Variants in ADD3 observed in about 807,000 individuals in gnomAD.
ADD3 encodes the protein adducin 3, also known as gamma-adducin.
Under a neutral mutation model 80.2 loss-of-function variants are expected in ADD3, and 25 were observed. That is an observed-to-expected ratio of 0.31 (90% CI 0.23 to 0.44). The LOEUF (loss-of-function observed/expected upper bound fraction) is 0.44. ADD3 is among the 20% of genes least tolerant of loss of function. The pLI, the probability that ADD3 is intolerant of heterozygous loss-of-function variation, is 1.00. For missense variants in ADD3, 829 were observed against 847.5 expected (o/e 0.98, Z 0.27); for synonymous variants, 284 against 289.6 (o/e 0.98, Z 0.20).
rs972246138 is a variant in ADD3, at chr10:110,044,326, G to T, written c.-30+36027G>T. On this transcript the variant is annotated intron_variant, in intron 1 of 14. Transcript: ENST00000356080. ...TGAGAATTTGTCGCTTTATATTATT[G>T]TGTCTTCTGGCCTATTAGACCATTG... Among the ~76,000 whole-genome samples, 13 of 152,244 alleles carry T rather than the reference G, an allele frequency of 8.5e-5. No homozygotes were observed. The South Asian group carries it at 1.0e-3, about 12-fold the overall frequency.
At chr10:110,080,921 T>A (rs1845985913) in intron 1 of ADD3, among the ~76,000 whole-genome samples, 1 of 152,216 alleles carries the variant, frequency 6.6e-6, no homozygotes, top group African/African-American at 2.4e-5. Context: ...ACAAAAGCAG[T>A]ATTTTTGCTG....
chr10:110,040,945 GCTCT>G (rs1466922963), intron 1 of ADD3, among the ~76,000 whole-genome samples: 2 of 91,038 alleles, frequency 2.2e-5, no homozygotes, highest in South Asian at 4.8e-4. Context: ...TCTCTCTCTC[GCTCT>G]CTCTGTCTCT....
At chr10:110,049,499 C>T (rs918156136) in intron 1 of ADD3, among the ~76,000 whole-genome samples, 1 of 152,166 alleles carries the variant, frequency 6.6e-6, no homozygotes, top group Non-Finnish European at 1.5e-5. Context: ...GCCACAGGGG[C>T]GGAGCTGCTC....
At chr10:110,039,889 A>C (rs889562235) in intron 1 of ADD3, among the ~76,000 whole-genome samples, 4 of 152,226 alleles carry the variant, frequency 2.6e-5, no homozygotes, top group African/African-American at 9.6e-5. Context: ...AGCAAGCCTC[A>C]TCACAGGGTC....
chr10:110,111,312 T>A (rs1038685412), intron 2 of ADD3, among the ~76,000 whole-genome samples: 1 of 152,228 alleles, frequency 6.6e-6, no homozygotes, highest in African/African-American at 2.4e-5. Context: ...AAGTGACTTA[T>A]GTTGCAAGAA....
Position 110,063,737 on chromosome 10 carries a change from TTATATATATATATATATATATATA to T in ADD3, c.-29-36865_-29-36842del, listed in dbSNP as rs139871560. Among the ~76,000 whole-genome samples the T allele has an allele frequency of 1.6e-3, 103 of 64,672 alleles. 2 individuals are homozygous for T. The highest frequency in any genetic ancestry group is 4.4e-3 in the African/African-American group (72 of 16,436). 42.4% of individuals were successfully genotyped at this position (64,672 alleles called of 152,430 possible). On this transcript the variant is annotated intron_variant, in intron 1 of 14. Coordinates refer to ENST00000356080, the MANE Select transcript of ADD3 (RefSeq NM_016824.5). Reference sequence around the variant, plus strand: ...TGATGAATATGAATATATATATTCATTATATATATATATATATATATATATATATATATATATATATATATAAAG... The same window carrying T: ...TGATGAATATGAATATATATATTCATTATATATATATATATATATATAAAG...
At chr10:110,011,730 G>T (rs1463982301) in intron 1 of ADD3, among the ~76,000 whole-genome samples, 2 of 152,096 alleles carry the variant, frequency 1.3e-5, no homozygotes, top group Non-Finnish European at 2.9e-5. Flanking sequence ...AAAATTAATT[G>T]GACAGTCCTA....
intron 1 of ADD3, among the ~76,000 whole-genome samples, chr10:110,083,156 A>C (rs1395165085): frequency 1.3e-5 from 2 of 152,214 alleles, no homozygotes; most frequent in Non-Finnish European, 2.9e-5. Context: ...TGACAAAGTG[A>C]TTTGAACACT....
chr10:110,121,581 T>TA (rs920651923), intron 8 of ADD3, among the ~76,000 whole-genome samples: 3 of 151,488 alleles, frequency 2.0e-5, no homozygotes, highest in Admixed American at 1.3e-4. Flanking sequence ...AAAGAACAAC[T>TA]AAAAAAAAAC....
At chr10:110,032,506 G>A (rs1855164605) in intron 1 of ADD3, among the ~76,000 whole-genome samples, 6 of 152,136 alleles carry the variant, frequency 3.9e-5, no homozygotes. Flanking sequence ...GGATACTTGG[G>A]CAAATTCAGA....
intron 1 of ADD3, among the ~76,000 whole-genome samples, chr10:110,062,200 T>TAAAAAAA (rs57540485): frequency 2.8e-5 from 1 of 35,198 alleles, no homozygotes; most frequent in African/African-American, 1.0e-4. Flanking sequence ...CTGTCTCTAC[T>TAAAAAAA]AAAAAAAAAA....
intron 3 of ADD3, 25 bp downstream of exon 3, chr10:110,112,940 A>T: frequency 6.2e-7 from 1 of 1,606,452 alleles, no homozygotes; most frequent in Non-Finnish European, 8.5e-7. Flanking sequence ...GAGAGTTTTA[A>T]ACATTATAAT....
At position 110,072,201 on chromosome 10, in the gene ADD3, A is replaced by G. The variant is rs565603505; in HGVS notation, c.-29-28424A>G. Among the ~76,000 whole-genome samples the G allele has an allele frequency of 7.2e-5, 11 of 152,236 alleles. No homozygotes were observed. The South Asian group carries it at 2.3e-3, about 32-fold the overall frequency. ...CTCAGCCTCCCGAGTATCTAGGACT[A>G]CAGGTGCCTGCCACCACGCCCAGCT... On this transcript the variant is annotated intron_variant, in intron 1 of 14. Coordinates refer to ENST00000356080, the MANE Select transcript of ADD3 (RefSeq NM_016824.5).
At chr10:110,117,664 A>AT (rs113227454) in intron 5 of ADD3, among the ~76,000 whole-genome samples, 17,596 of 146,290 alleles carry the variant, frequency 0.12, 2,165 homozygotes, top group African/African-American at 0.32. Context: ...GGGAATCGTG[A>AT]TTTTTTTTTT....
At chr10:110,087,014 A>G (rs1256219268) in intron 1 of ADD3, among the ~76,000 whole-genome samples, 1 of 152,016 alleles carries the variant, frequency 6.6e-6, no homozygotes, top group East Asian at 1.9e-4. Flanking sequence ...CTCGCTTTAG[A>G]AAGTGGCTTT....
rs567095501 is a variant in ADD3, at chr10:109,998,819, A to C, written n.79+2373A>C. Reference sequence around the variant, plus strand: ...CTCCTCAAAGACACCTTCTTCATCCATCCTAACTAAAGCAGTACCCCTCCC... The same window carrying C: ...CTCCTCAAAGACACCTTCTTCATCCCTCCTAACTAAAGCAGTACCCCTCCC... On this transcript the variant is annotated intron_variant and non_coding_transcript_variant, in intron 1 of 5. Transcript: ENST00000468251. Among the ~76,000 whole-genome samples, 4 of 152,136 alleles carry C rather than the reference A, an allele frequency of 2.6e-5. No homozygotes were observed. The South Asian group carries it at 8.3e-4, about 32-fold the overall frequency.
chr10:110,069,011 G>T (rs1022402537), intron 1 of ADD3, among the ~76,000 whole-genome samples: 1 of 151,998 alleles, frequency 6.6e-6, no homozygotes, highest in African/African-American at 2.4e-5. Context: ...CGGGGAGGTT[G>T]TGGCTGCAGT....
chr10:110,128,785 C>T (rs1200332693), intron 12 of ADD3, among the ~76,000 whole-genome samples: 2 of 152,284 alleles, frequency 1.3e-5, no homozygotes, highest in East Asian at 3.9e-4. Flanking sequence ...CTGATCTTTA[C>T]ACTTTCTCTT....
intron 1 of ADD3, among the ~76,000 whole-genome samples, chr10:110,064,520 G>C (rs1470447948): frequency 6.6e-6 from 1 of 152,128 alleles, no homozygotes; most frequent in African/African-American, 2.4e-5. Context: ...TGTACATACT[G>C]GGTTTTTGGA....
Sources: allele counts gnomAD v4.1 joint callset (sites outside exome capture counted in the v4.1 genomes callset), GRCh38; gene constraint gnomAD v4.1.1; transcripts MANE v1.5; gene names NCBI Gene and HGNC (gene_info 2026-07-23, HGNC 2026-07-21).